The following ADD3 variants were observed in gnomAD, a reference collection of about 807,000 sequenced individuals.
ADD3 encodes adducin 3.
ADD3 carries 25 observed loss-of-function variants against 80.2 expected under a neutral mutation model. That is an observed-to-expected ratio of 0.31 (90% CI 0.23 to 0.44). ADD3 has a LOEUF of 0.44. ADD3 is among the 20% of genes least tolerant of loss of function. ADD3 has a pLI of 1.00. For synonymous variants in ADD3, 284 were observed against 289.6 expected (o/e 0.98, Z 0.20); for missense variants, 829 against 847.5 (o/e 0.98, Z 0.27).
intron 1 of ADD3, among the ~76,000 whole-genome samples, chr10:110,093,931 G>C (rs1033794897): frequency 6.6e-6 from 1 of 152,144 alleles, no homozygotes; most frequent in Non-Finnish European, 1.5e-5. Context: ...AACAGTGGTT[G>C]ACCACAGGTA....
chr10:110,124,574 A>G (rs1042136555), intron 10 of ADD3, among the ~76,000 whole-genome samples: 4 of 151,798 alleles, frequency 2.6e-5, no homozygotes, highest in African/African-American at 7.3e-5. Flanking sequence ...AGACAGTCTG[A>G]CTCTTGAGCC....
chr10:110,107,044 A>G (rs570844268), intron 2 of ADD3, among the ~76,000 whole-genome samples: 29 of 152,220 alleles, frequency 1.9e-4, no homozygotes, highest in African/African-American at 7.0e-4. Flanking sequence ...CACTTTCTTT[A>G]TATCTAGGAA....
In ADD3 at chr10:110,065,539, CTTT is replaced by C. The variant is rs1217733559; in HGVS notation, c.-29-35070_-29-35068del. The stretch of plus-strand genomic sequence containing the variant: ...TTTTTTCTTAGCCTCTCTCTCTCCC[CTTT>C]TTTTTTTTTTTTTTTGAGAAAGAAT... On this transcript the variant is annotated intron_variant, in intron 1 of 14. Transcript: ENST00000356080. Among the ~76,000 whole-genome samples the C allele has an allele frequency of 2.6e-4, 8 of 31,170 alleles. 1 individual carries two copies. In the East Asian group the frequency reaches 6.7e-3, roughly 26 times the overall value. The allele number at this position is 31,170 out of a possible 152,430, so 20.4% of individuals were successfully genotyped here.
intron 5 of ADD3, among the ~76,000 whole-genome samples, chr10:110,117,920 G>A (rs1234114984): frequency 6.6e-6 from 1 of 151,946 alleles, no homozygotes; most frequent in Non-Finnish European, 1.5e-5. Context: ...GGAGGCTGAG[G>A]CAGGAGAATC....
At chr10:110,048,211 A>G (rs1373005103) in intron 1 of ADD3, among the ~76,000 whole-genome samples, 1 of 152,084 alleles carries the variant, frequency 6.6e-6, no homozygotes, top group African/African-American at 2.4e-5. Flanking sequence ...CCCTTCCACC[A>G]TGATTGTGAG....
intron 1 of ADD3, among the ~76,000 whole-genome samples, chr10:110,049,747 C>T (rs1165002639): frequency 2.0e-5 from 3 of 151,954 alleles, no homozygotes; most frequent in East Asian, 1.9e-4. Context: ...ATTAGCTGGG[C>T]GTTGTGGCAG....
chr10:110,007,194 G>C (rs1385747123), upstream of ADD3, among the ~76,000 whole-genome samples: 3 of 152,188 alleles, frequency 2.0e-5, no homozygotes, highest in Non-Finnish European at 2.9e-5. Context: ...TCGCCTCAAA[G>C]AAGTGAGCTC....
Position 110,088,954 on chromosome 10 carries a change from T to C in ADD3, c.-29-11671T>C, listed in dbSNP as rs181381563. 3.0e-3 allele frequency among the ~76,000 whole-genome samples: 455 copies of C among 152,312 alleles called. 3 individuals carry two copies. Among genetic ancestry groups the C allele is most frequent in the African/African-American group, 0.01 (431 of 41,574 alleles). ...ATATTTATTTTGCAGACTCAGCTCA[T>C]TTTTAATAATAAGCTTTGTTGGATT... On this transcript the variant is annotated intron_variant, in intron 1 of 14. Coordinates refer to ENST00000356080, the MANE Select transcript of ADD3 (RefSeq NM_016824.5).
intron 1 of ADD3, among the ~76,000 whole-genome samples, chr10:110,097,777 CTT>C (rs137999902): frequency 2.3e-4 from 31 of 137,044 alleles, no homozygotes; most frequent in Non-Finnish European, 2.7e-4. Context: ...CTTTGTTTTT[CTT>C]TTTTTTTTTT....
rs115869109 is a variant in ADD3, at chr10:110,009,924, T to G, written c.-30+1625T>G. ...TATCAGGAAATGTTTGGTGAACATT[T>G]GACATAGTTGATCATATGACACTTG... On this transcript the variant is annotated intron_variant, in intron 1 of 14. Coordinates refer to ENST00000356080, the MANE Select transcript of ADD3 (RefSeq NM_016824.5). Among the ~76,000 whole-genome samples, 1,115 of 152,348 alleles carry G rather than the reference T, an allele frequency of 7.3e-3. 9 individuals are homozygous for G. Among genetic ancestry groups the G allele is most frequent in the African/African-American group, 0.025 (1,028 of 41,576 alleles).
At chr10:110,042,575 GA>G (rs1349540719) in intron 1 of ADD3, among the ~76,000 whole-genome samples, 4 of 151,866 alleles carry the variant, frequency 2.6e-5, no homozygotes, top group Non-Finnish European at 5.9e-5. Flanking sequence ...CTTTAATCAG[GA>G]AATAGTCTAA....
intron 1 of ADD3, among the ~76,000 whole-genome samples, chr10:110,061,436 C>T (rs866235439): frequency 3.0e-4 from 46 of 152,244 alleles, no homozygotes; most frequent in African/African-American, 1.1e-3. Context: ...ACAGGATTGA[C>T]TGGAGTCAGC....
rs1554926923 is a variant in ADD3 at position 110,063,737 on chromosome 10, T to TATATATATATA, written c.-29-36888_-29-36887insATATATATATA. ...TGATGAATATGAATATATATATTCA[T>TATATATATATA]TATATATATATATATATATATATAT... is the stretch of plus-strand genomic sequence containing the variant. On this transcript the variant is annotated intron_variant, in intron 1 of 14. Transcript: ENST00000356080. Among the ~76,000 whole-genome samples the TATATATATATA allele has an allele frequency of 7.9e-4, 51 of 64,666 alleles. 2 individuals are homozygous for TATATATATATA. The highest frequency in any genetic ancestry group is 3.0e-3 in the African/African-American group (49 of 16,432). 42.4% of individuals were successfully genotyped at this position (64,666 alleles called of 152,430 possible).
intron 1 of ADD3, among the ~76,000 whole-genome samples, chr10:110,060,409 C>G (rs917915256): frequency 6.6e-6 from 1 of 152,144 alleles, no homozygotes; most frequent in Non-Finnish European, 1.5e-5. Flanking sequence ...GAAAACCCCC[C>G]CTCTGAATAA....
intron 1 of ADD3, 105 bp downstream of exon 1, chr10:110,008,404 C>CG (rs1554895945): frequency 1.3e-5 from 2 of 152,542 alleles, no homozygotes; most frequent in Non-Finnish European, 2.9e-5. Context: ...GGGGGTCGCG[C>CG]GGGGGTAGGG....
At chr10:110,011,947 G>A (rs1390214790) in intron 1 of ADD3, among the ~76,000 whole-genome samples, 2 of 152,186 alleles carry the variant, frequency 1.3e-5, no homozygotes, top group African/African-American at 4.8e-5. Flanking sequence ...TACTGTAATG[G>A]GTTGTATATA....
chr10:110,071,228 C>G (rs1225824712), intron 1 of ADD3, among the ~76,000 whole-genome samples: 1 of 152,100 alleles, frequency 6.6e-6, no homozygotes, highest in African/African-American at 2.4e-5. Context: ...GCCTACAGAG[C>G]CCCATATCCT....
At chr10:110,078,526 A>G (rs192186863) in intron 1 of ADD3, among the ~76,000 whole-genome samples, 9 of 152,300 alleles carry the variant, frequency 5.9e-5, no homozygotes, top group Admixed American at 5.2e-4. Flanking sequence ...AAATCATCTC[A>G]TCAGCATTTT....
chr10:110,098,833 G>A (rs1345279616), intron 1 of ADD3, among the ~76,000 whole-genome samples: 3 of 151,922 alleles, frequency 2.0e-5, no homozygotes, highest in Non-Finnish European at 4.4e-5. Context: ...GTTTCACTAT[G>A]TTGGCCAGGC....
Sources: allele counts gnomAD v4.1 joint callset (sites outside exome capture counted in the v4.1 genomes callset), GRCh38; gene constraint gnomAD v4.1.1; transcripts MANE v1.5; gene names NCBI Gene and HGNC (gene_info 2026-07-23, HGNC 2026-07-21).